Variants in PKNOX2 observed in about 807,000 individuals in gnomAD.
PKNOX2 encodes homeobox protein PKNOX2.
In PKNOX2, 14 loss-of-function variants were observed where a neutral mutation model predicts 53.1. The ratio of observed to expected loss-of-function variants is 0.26; its 90% confidence interval spans 0.17 to 0.41. The LOEUF (loss-of-function observed/expected upper bound fraction) is 0.41. Ranked by LOEUF, PKNOX2 falls within the 10% of genes least tolerant of loss-of-function variation. The probability of loss-of-function intolerance (pLI) is 1.00; values close to 1 mark genes in which losing one functional copy is unlikely to be tolerated. For synonymous variants in PKNOX2, 257 were observed against 242.8 expected (o/e 1.06, Z -0.54); for missense variants, 496 against 602.8 (o/e 0.82, Z 1.85).
chr11:125,418,812 C>A (rs184761659), intron 10 of PKNOX2, among the ~76,000 whole-genome samples: 1 of 152,104 alleles, frequency 6.6e-6, no homozygotes, highest in Admixed American at 6.5e-5. Flanking sequence ...ACATGTATCG[C>A]CTTTTTTCTT....
chr11:125,200,410 G>A (rs1427586442), intron 1 of PKNOX2, among the ~76,000 whole-genome samples: 1 of 152,170 alleles, frequency 6.6e-6, no homozygotes, highest in East Asian at 1.9e-4. Context: ...AAAAACCTGG[G>A]CACTGGCTTT....
intron 2 of PKNOX2, among the ~76,000 whole-genome samples, chr11:125,266,058 C>T (rs556199824): frequency 6.6e-6 from 1 of 152,342 alleles, no homozygotes. Flanking sequence ...CACTTCACCC[C>T]TATGCACACT....
chr11:125,179,828 C>T (rs1956051449), intron 1 of PKNOX2, among the ~76,000 whole-genome samples: 1 of 152,178 alleles, frequency 6.6e-6, no homozygotes, highest in Non-Finnish European at 1.5e-5. Flanking sequence ...ATTGCAGATC[C>T]ATGATGGTGG....
intron 3 of PKNOX2, among the ~76,000 whole-genome samples, chr11:125,350,872 G>C (rs1328975269): frequency 6.6e-6 from 1 of 152,062 alleles, no homozygotes; most frequent in Non-Finnish European, 1.5e-5. Context: ...GAAACAGCGG[G>C]GCCAGGAGCA....
intron 2 of PKNOX2, among the ~76,000 whole-genome samples, chr11:125,238,010 C>A (rs1350006648): frequency 6.6e-6 from 1 of 152,218 alleles, no homozygotes; most frequent in Non-Finnish European, 1.5e-5. Context: ...ACGTCCCCTG[C>A]TCTCCTTCCT....
chr11:125,324,932 AG>A (rs1022345973), intron 2 of PKNOX2, among the ~76,000 whole-genome samples: 12 of 152,212 alleles, frequency 7.9e-5, no homozygotes, highest in African/African-American at 2.9e-4. Flanking sequence ...GAGTGAGAGA[AG>A]GAGGCTAGGC....
intron 2 of PKNOX2, among the ~76,000 whole-genome samples, chr11:125,289,039 C>A (rs1224507941): frequency 6.6e-6 from 1 of 152,238 alleles, no homozygotes; most frequent in African/African-American, 2.4e-5. Flanking sequence ...CAGTGCAAAG[C>A]ACATAGCAGG....
At chr11:125,400,624 C>T (rs1425638450) in intron 7 of PKNOX2, among the ~76,000 whole-genome samples, 2 of 152,148 alleles carry the variant, frequency 1.3e-5, no homozygotes, top group African/African-American at 4.8e-5. Context: ...ACCTCCCCCA[C>T]AACCCCATCA....
intron 2 of PKNOX2, among the ~76,000 whole-genome samples, chr11:125,249,033 A>G (rs1943799427): frequency 2.4e-5 from 3 of 122,634 alleles, no homozygotes; most frequent in African/African-American, 8.5e-5. Context: ...ATAATATAGT[A>G]TATATAACCT....
At chr11:125,393,050 G>C (rs1023069953) in intron 6 of PKNOX2, among the ~76,000 whole-genome samples, 1 of 151,486 alleles carries the variant, frequency 6.6e-6, no homozygotes, top group Non-Finnish European at 1.5e-5. Context: ...GGTCCCAGCT[G>C]CTTGGGAGGC....
At chr11:125,345,598 A>G (rs2136177354) in intron 3 of PKNOX2, among the ~76,000 whole-genome samples, 1 of 152,174 alleles carries the variant, frequency 6.6e-6, no homozygotes, top group South Asian at 2.1e-4. Flanking sequence ...AGATAAATCC[A>G]CAGAGTCACA....
chr11:125,218,786 C>G (rs1940825589), intron 1 of PKNOX2, among the ~76,000 whole-genome samples: 1 of 152,156 alleles, frequency 6.6e-6, no homozygotes, highest in Non-Finnish European at 1.5e-5. Flanking sequence ...AGCAGCAAAT[C>G]CAACCCAAAA....
At chr11:125,305,413 C>A (rs1490562020) in intron 2 of PKNOX2, among the ~76,000 whole-genome samples, 1 of 152,168 alleles carries the variant, frequency 6.6e-6, no homozygotes, top group African/African-American at 2.4e-5. Flanking sequence ...AAAGATCCAG[C>A]CTGCTGCGAA....
chr11:125,211,408 T>G (rs887408333), intron 1 of PKNOX2, among the ~76,000 whole-genome samples: 1 of 152,178 alleles, frequency 6.6e-6, no homozygotes, highest in African/African-American at 2.4e-5. Context: ...AGAATACAAC[T>G]GTTGACAACA....
At chr11:125,362,389 T>A (rs1202772104) in intron 4 of PKNOX2, among the ~76,000 whole-genome samples, 2 of 152,156 alleles carry the variant, frequency 1.3e-5, no homozygotes, top group African/African-American at 4.8e-5. Flanking sequence ...TTTTTGTTTT[T>A]TAGAGACAGG....
intron 1 of PKNOX2, among the ~76,000 whole-genome samples, chr11:125,173,032 T>A (rs985337709): frequency 2.6e-5 from 4 of 151,864 alleles, no homozygotes; most frequent in Non-Finnish European, 5.9e-5. Flanking sequence ...GGAGTCAGAT[T>A]CTGGGTTCTG....
chr11:125,242,746 G>A (rs2135611892), intron 2 of PKNOX2, among the ~76,000 whole-genome samples: 1 of 152,222 alleles, frequency 6.6e-6, no homozygotes, highest in Non-Finnish European at 1.5e-5. Context: ...TGGCTCCTGA[G>A]TTTTAGTGCC....
chr11:125,416,931 T>C (rs1231172082), intron 10 of PKNOX2, among the ~76,000 whole-genome samples: 1 of 152,008 alleles, frequency 6.6e-6, no homozygotes, highest in African/African-American at 2.4e-5. Flanking sequence ...ATTCAGATGA[T>C]AGAAGGCTCC....
chr11:125,315,303 G>GCAAAAAAAAAAAAAAAAAAAAAA (rs1949087067), intron 2 of PKNOX2, among the ~76,000 whole-genome samples: 14 of 79,456 alleles, frequency 1.8e-4, no homozygotes, highest in African/African-American at 5.5e-4. Flanking sequence ...TGTGAAGCAG[G>GCAAAAAAAAAAAAAAAAAAAAAA]AAAAAAAAAA....
Sources: gnomAD v4.1 joint callset for allele counts (sites outside exome capture counted in the v4.1 genomes callset) on GRCh38, gnomAD v4.1.1 for gene constraint, MANE v1.5 for transcripts, NCBI Gene and HGNC (gene_info 2026-07-23, HGNC 2026-07-21) for gene names.